The following UMAD1 variants were observed in gnomAD, a reference collection of about 807,000 sequenced individuals.
UMAD1 encodes UBAP1-MVB12-associated (UMA) domain containing 1.
A neutral mutation model predicts 6.1 loss-of-function variants in UMAD1; 8 were observed. The ratio of observed to expected loss-of-function variants is 1.30; its 90% CI spans 0.76 to 2.35. The LOEUF (loss-of-function observed/expected upper bound fraction) is 2.35, where lower values mean the gene tolerates loss of function less well. UMAD1 is among the 30% of genes most tolerant of loss of function. The pLI, the probability that UMAD1 is intolerant of heterozygous loss-of-function variation, is 0.00. For synonymous variants in UMAD1, 56 were observed against 31.4 expected (o/e 1.78, Z -2.61); for missense variants, 130 against 78.4 (o/e 1.66, Z -2.49).
chr7:7,842,780 C>G (rs566425291), intron 3 of UMAD1, among the ~76,000 whole-genome samples: 6 of 152,076 alleles, frequency 3.9e-5, no homozygotes, highest in Non-Finnish European at 7.4e-5. Context: ...TGAGAAAATT[C>G]TTTTTCACCC....
At chr7:7,709,182 C>T (rs1279462932) in intron 2 of UMAD1, among the ~76,000 whole-genome samples, 1 of 152,088 alleles carries the variant, frequency 6.6e-6, no homozygotes, top group East Asian at 1.9e-4. Flanking sequence ...AATTGACTGT[C>T]TTTGTTTTCC....
chr7:7,820,813 G>GT (rs1365322165), intron 3 of UMAD1, among the ~76,000 whole-genome samples: 2 of 151,996 alleles, frequency 1.3e-5, no homozygotes, highest in Non-Finnish European at 2.9e-5. Flanking sequence ...GAATTGCATA[G>GT]TTTATTACTT....
intron 3 of UMAD1, among the ~76,000 whole-genome samples, chr7:7,852,910 C>T (rs1248093011): frequency 1.3e-5 from 2 of 152,186 alleles, no homozygotes; most frequent in African/African-American, 2.4e-5. Context: ...ACATTCTTCT[C>T]GCCTCTCTGT....
chr7:7,774,558 G>A (rs964811799), intron 2 of UMAD1, among the ~76,000 whole-genome samples: 1 of 152,196 alleles, frequency 6.6e-6, no homozygotes, highest in African/African-American at 2.4e-5. Context: ...TATAGTTATG[G>A]AACTGTTTGA....
chr7:7,795,691 C>G (rs112445849), intron 2 of UMAD1, among the ~76,000 whole-genome samples: 13 of 152,274 alleles, frequency 8.5e-5, no homozygotes, highest in African/African-American at 2.6e-4. Context: ...GAGGGTTTCT[C>G]TTCCTTTTAG....
At chr7:7,681,644 C>A (rs533427172) in intron 2 of UMAD1, among the ~76,000 whole-genome samples, 1 of 152,046 alleles carries the variant, frequency 6.6e-6, no homozygotes, top group Admixed American at 6.6e-5. Flanking sequence ...TCATTTTACA[C>A]AAAAACAAAT....
At chr7:7,722,195 C>A (rs56035214) in intron 2 of UMAD1, among the ~76,000 whole-genome samples, 292 of 148,596 alleles carry the variant, frequency 2.0e-3, no homozygotes, top group African/African-American at 6.8e-3. Flanking sequence ...ATCTATATAT[C>A]TATATAGATA....
intron 1 of UMAD1, among the ~76,000 whole-genome samples, chr7:7,671,658 C>T (rs1161505087): frequency 6.6e-6 from 1 of 152,074 alleles, no homozygotes; most frequent in Non-Finnish European, 1.5e-5. Context: ...GTGGGGGTTT[C>T]CCTTTATCTT....
intron 1 of UMAD1, among the ~76,000 whole-genome samples, chr7:7,648,301 G>A (rs1338513384): frequency 2.6e-5 from 4 of 152,138 alleles, no homozygotes; most frequent in Admixed American, 6.5e-5. Flanking sequence ...CTCCGCTTAA[G>A]TTTTCTCCAG....
At chr7:7,845,778 G>C (rs572132779) in intron 3 of UMAD1, among the ~76,000 whole-genome samples, 4 of 152,154 alleles carry the variant, frequency 2.6e-5, no homozygotes, top group African/African-American at 9.6e-5. Context: ...TACCGTAGTA[G>C]AGTTTTCAAA....
intron 3 of UMAD1, among the ~76,000 whole-genome samples, chr7:7,803,233 T>C (rs1193886453): frequency 5.3e-4 from 80 of 152,240 alleles, no homozygotes; most frequent in Non-Finnish European, 4.4e-5. Context: ...CCCTGTGCTT[T>C]GGGAGGCCAA....
At chr7:7,817,528 C>T (rs1472343287) in intron 3 of UMAD1, among the ~76,000 whole-genome samples, 1 of 152,152 alleles carries the variant, frequency 6.6e-6, no homozygotes. Flanking sequence ...ATTATTCTCA[C>T]CAGGTTCTTA....
At chr7:7,729,762 G>A (rs1023726547) in intron 2 of UMAD1, among the ~76,000 whole-genome samples, 1 of 152,168 alleles carries the variant, frequency 6.6e-6, no homozygotes, top group Admixed American at 6.5e-5. Context: ...TTCTACCCCA[G>A]TCATTCTCTG....
At chr7:7,792,435 A>G (rs1782583648) in intron 2 of UMAD1, among the ~76,000 whole-genome samples, 1 of 152,248 alleles carries the variant, frequency 6.6e-6, no homozygotes, top group Non-Finnish European at 1.5e-5. Context: ...CAGAATTAGA[A>G]AAAGTAGGAG....
intron 2 of UMAD1, among the ~76,000 whole-genome samples, chr7:7,729,663 G>A (rs1227529735): frequency 2.0e-5 from 3 of 152,078 alleles, no homozygotes; most frequent in African/African-American, 4.8e-5. Flanking sequence ...CCTATAGTTA[G>A]CCTGGACAAC....
At chr7:7,773,867 C>G (rs945665467) in intron 2 of UMAD1, among the ~76,000 whole-genome samples, 11 of 152,142 alleles carry the variant, frequency 7.2e-5, no homozygotes, top group African/African-American at 2.4e-4. Flanking sequence ...TCCAGCCTTG[C>G]AGCCCTGCCC....
At chr7:7,673,219 G>T in intron 1 of UMAD1, 90 bp from the exon 2 acceptor site, 1 of 823,044 alleles carries the variant, frequency 1.2e-6, no homozygotes. Flanking sequence ...AGTAACTATT[G>T]TTATATCGTT....
At chr7:7,783,629 A>G (rs963808212) in intron 2 of UMAD1, among the ~76,000 whole-genome samples, 2 of 152,220 alleles carry the variant, frequency 1.3e-5, no homozygotes, top group African/African-American at 2.4e-5. Flanking sequence ...AAAACGAACT[A>G]TTGGGAATTA....
intron 1 of UMAD1, among the ~76,000 whole-genome samples, chr7:7,659,484 C>T (rs909838820): frequency 5.3e-5 from 8 of 152,160 alleles, no homozygotes; most frequent in African/African-American, 1.9e-4. Flanking sequence ...AGATGTGTCC[C>T]AGGGATTCTG....
Sources: allele counts gnomAD v4.1 joint callset (sites outside exome capture counted in the v4.1 genomes callset), GRCh38; gene constraint gnomAD v4.1.1; transcripts MANE v1.5; gene names NCBI Gene and HGNC (gene_info 2026-07-23, HGNC 2026-07-21).